The following UBA7 variants were observed in gnomAD, a reference collection of about 807,000 sequenced individuals.
UBA7 encodes ubiquitin like modifier activating enzyme 7.
UBA7 carries 88 observed loss-of-function variants against 113.0 expected under a neutral mutation model. That is an observed-to-expected ratio of 0.78 (90% CI 0.66 to 0.93). The LOEUF is 0.93. Ranked by LOEUF, UBA7 falls within the 40% of genes least tolerant of loss-of-function variation. UBA7 has a pLI of 0.00. For missense variants in UBA7, 1,092 were observed against 1,266.4 expected, an observed-to-expected ratio of 0.86 and a Z score of 2.09; for synonymous variants, 459 against 513.0, an observed-to-expected ratio of 0.89 and a Z score of 1.42.
chr3:49,811,587 C>T (rs910961470), intron 8 of UBA7, 132 bp from the exon 9 acceptor site: 16 of 1,342,142 alleles, frequency 1.2e-5, no homozygotes, highest in African/African-American at 1.5e-5. Flanking sequence ...AGGCCTGGCC[C>T]TGCTGCCAGC....
In UBA7 at chr3:49,805,354, C is replaced by G. The variant is rs750431789; in HGVS notation, c.2993G>C (p.Gly998Ala). The change falls in exon 24 of 24, where the codon GGT (glycine) becomes GCT (alanine). Residue 998 changes from glycine to alanine, a missense_variant. Physicochemically the swap from Gly to Ala is moderately conservative, Grantham distance 60. Around this residue, in one of 3 missense-constraint regions of UBA7, gnomAD observed 500 missense variants for 529.3 expected, o/e 0.94. Transcript: ENST00000333486. ...RVLVLELSCE[G>A]DDEDTAFPPL... ...TGGGAAGGCAGTGTCCTCGTCGTCA[C>G]CCTCACAGCTCAGCTCTAGCACCAA... 2 of 1,613,932 alleles carry G rather than the reference C, an allele frequency of 1.2e-6. No homozygotes were observed. Among genetic ancestry groups the G allele is most frequent in the Non-Finnish European group, 1.7e-6 (2 of 1,179,996 alleles).
Position 49,810,497 on chromosome 3 carries a change from GGA to G in UBA7, c.1467+18_1467+19del. On this transcript the variant is annotated intron_variant, in intron 12 of 23. Coordinates refer to ENST00000333486, the MANE Select transcript of UBA7 (RefSeq NM_003335.3). This position sits in a 1 kb window ranked among gnomAD's most constrained non-coding sequence, Gnocchi z 5.6. Reference sequence around the variant, plus strand: ...AGGACGGTCTGGGATGCAGGAGTGTGGAGAGGGGTCAGCACTCACACCAACGT... The same window carrying G: ...AGGACGGTCTGGGATGCAGGAGTGTGGAGGGGTCAGCACTCACACCAACGT... The G allele has an allele frequency of 6.2e-7, 1 of 1,614,072 alleles. No individual in the cohort carries two copies. The highest frequency in any genetic ancestry group is 1.3e-5 in the African/African-American group (1 of 75,006).
Position 49,813,624 on chromosome 3 carries a change from A to C in UBA7, c.80T>G (p.Met27Arg), listed in dbSNP as rs1237296210. The C allele has an allele frequency of 2.4e-5, 39 of 1,614,134 alleles. No individual in the cohort carries two copies. Among genetic ancestry groups the C allele is most frequent in the Non-Finnish European group, 2.9e-5 (34 of 1,180,064 alleles). ...RQLYVLGSPA[M>R]QRIQGARVLV... Reference sequence around the variant, plus strand: ...GACCCTGGCTCCCTGAATCCTCTGCATGGCAGGTGAGCCCAGCACATACCT... The same window carrying C: ...GACCCTGGCTCCCTGAATCCTCTGCCTGGCAGGTGAGCCCAGCACATACCT... Residue 27 changes from methionine to arginine, a missense_variant, in exon 2 of 24, where the codon ATG becomes AGG. Met to Arg is a moderately conservative substitution (Grantham distance 91, BLOSUM62 -1). This residue lies in a region of UBA7 where 584 missense variants were observed against 714.5 expected (regional missense o/e 0.82). Coordinates refer to ENST00000333486, the MANE Select transcript of UBA7 (RefSeq NM_003335.3).
At chr3:49,806,523 G>C (rs1365216966) in intron 21 of UBA7, among the ~76,000 whole-genome samples, 1 of 152,078 alleles carries the variant, frequency 6.6e-6, no homozygotes, top group East Asian at 1.9e-4. Context: ...GGAGCTGGGG[G>C]GCACATCCTG....
In UBA7 at chr3:49,813,797, T is replaced by C. The variant is rs2108302746; in HGVS notation, c.-10A>G. Reference sequence around the variant, plus strand: ...CGTCCAGGGCATCCATCCTCAAACCTGGGGCTGAACAGTAGGCTGCAGCGC... The same window carrying C: ...CGTCCAGGGCATCCATCCTCAAACCCGGGGCTGAACAGTAGGCTGCAGCGC... On this transcript the variant is annotated 5_prime_UTR_variant, in exon 1 of 24. Transcript: ENST00000333486. 2 of 1,614,118 alleles carry C rather than the reference T, an allele frequency of 1.2e-6. No individual in the cohort carries two copies. Among genetic ancestry groups the C allele is most frequent in the East Asian group, 4.5e-5 (2 of 44,882 alleles).
chr3:49,808,471 GT>G lies in UBA7; in HGVS notation c.2348-4del. On this transcript the variant is annotated splice_region_variant and splice_polypyrimidine_tract_variant and intron_variant, in intron 18 of 23. Transcript: ENST00000333486. ...CAGTTCCTTCTGCTGCTCAGGGCCT[GT>G]CAGGGGAGGGGATGTTGAGGCAGTC... is the stretch of plus-strand genomic sequence containing the variant. 1 of 1,613,990 alleles carries G rather than the reference GT, an allele frequency of 6.2e-7. No individual in the cohort carries two copies. The highest frequency in any genetic ancestry group is 8.5e-7 in the Non-Finnish European group (1 of 1,179,928).
rs181481743 is a variant in UBA7, at chr3:49,809,528, C to A, written c.2088+14G>T. The stretch of plus-strand genomic sequence containing the variant: ...CCCCCTGAGCCCCCAGCGTCCCAAC[C>A]CCTAGCCACACACTTTATTAGGTGG... On this transcript the variant is annotated intron_variant, in intron 16 of 23. Transcript: ENST00000333486. 49 of 1,614,008 alleles carry A rather than the reference C, an allele frequency of 3.0e-5. No individual in the cohort carries two copies. In the African/African-American group the frequency reaches 6.0e-4, roughly 20 times the overall value.
Position 49,809,896 on chromosome 3 carries a change from A to G in UBA7, c.1840-17T>C. ...CCGGGCCCACTGTGGAGGAGGGAGGAAGAATGAGGTATCAGGTGGAGAACA... is the reference window on the plus strand; with the variant it reads ...CCGGGCCCACTGTGGAGGAGGGAGGGAGAATGAGGTATCAGGTGGAGAACA... On this transcript the variant is annotated splice_polypyrimidine_tract_variant and intron_variant, in intron 14 of 23. Coordinates refer to ENST00000333486, the MANE Select transcript of UBA7 (RefSeq NM_003335.3). 1 of 1,614,038 alleles carries G rather than the reference A, an allele frequency of 6.2e-7. No homozygotes were observed. The highest frequency in any genetic ancestry group is 8.5e-7 in the Non-Finnish European group (1 of 1,179,994).
At position 49,807,050 on chromosome 3, in the gene UBA7, C is replaced by G. The variant is rs1193173555; in HGVS notation, c.2715+686G>C. 6.6e-6 allele frequency among the ~76,000 whole-genome samples: 1 copy of G among 152,210 alleles called. No individual in the cohort carries two copies. The highest frequency in any genetic ancestry group is 1.5e-5 in the Non-Finnish European group (1 of 68,030). On this transcript the variant is annotated intron_variant, in intron 21 of 23. Transcript: ENST00000333486. This position sits in a 1 kb window ranked among gnomAD's most constrained non-coding sequence, Gnocchi z 4.0. ...AAATGCCAACTGCAGAGCCTGGGCA[C>G]AAGGCTGGAGGCATTCACAGCGCTG...
rs371485745 is a variant in UBA7, at chr3:49,813,402, C to T, written c.226-19G>A. On this transcript the variant is annotated intron_variant, in intron 2 of 23. Transcript: ENST00000333486. ...GGAGAAACTAGGGAGAGAGCCAGTG[C>T]AGCCTGAGCAAAGACACTCCTCTTG... is the stretch of plus-strand genomic sequence containing the variant. The T allele has an allele frequency of 6.8e-6, 11 of 1,611,234 alleles. 1 individual carries two copies. The highest frequency in any genetic ancestry group is 3.3e-4 in the Middle Eastern group (2 of 6,050).
chr3:49,813,223 C>T (rs779262290), intron 3 of UBA7, 26 bp downstream of exon 3: 27 of 1,613,670 alleles, frequency 1.7e-5, no homozygotes, highest in African/African-American at 8.0e-5. Context: ...CCTTCCTGCT[C>T]TTGAGGGCTG....
In UBA7 at chr3:49,810,518, C is replaced by A; in HGVS notation, c.1466G>T (p.Gly489Val). The A allele has an allele frequency of 6.2e-7, 1 of 1,614,084 alleles. No homozygotes were observed. Among genetic ancestry groups the A allele is most frequent in the Non-Finnish European group, 8.5e-7 (1 of 1,179,998 alleles). The change falls in exon 12 of 24, where the codon GGT (glycine) becomes GTT (valine). Residue 489 changes from glycine (G) to valine (V), a missense_variant and splice_region_variant. Transcript: ENST00000333486. The surrounding 1 kb of genome is among the most constrained non-coding windows in gnomAD (Gnocchi z 5.6). ...GTGTGGAGAGGGGTCAGCACTCACA[C>A]CAACGTCCTGGGACCTGAAGAGGAA... ...RQFLFRSQDV[G>V]RPKAEVAAAA...
intron 21 of UBA7, 175 bp from the exon 22 acceptor site, chr3:49,806,340 G>C: frequency 1.6e-6 from 1 of 624,532 alleles, no homozygotes; most frequent in South Asian, 2.0e-5. Context: ...TCCCCGTCCA[G>C]GCCGGGGCCA....
At position 49,808,147 on chromosome 3, in the gene UBA7, C is replaced by T. The variant is rs764228840; in HGVS notation, c.2431-35G>A. The T allele has an allele frequency of 2.5e-6, 4 of 1,609,036 alleles. No homozygotes were observed. The East Asian group carries it at 6.7e-5, about 27-fold the overall frequency. ...CCAAGTCAAAGTAGTGTTAACACTG[C>T]AGCTGTGCCCCTCACCGTGGCCCAC... On this transcript the variant is annotated intron_variant, in intron 19 of 23. Coordinates refer to ENST00000333486, the MANE Select transcript of UBA7 (RefSeq NM_003335.3).
In UBA7 at chr3:49,810,007, A is replaced by G. The variant is rs199938849; in HGVS notation, c.1810T>C (p.Phe604Leu). 145 of 1,613,808 alleles carry G rather than the reference A, an allele frequency of 9.0e-5. 1 individual carries two copies. Among genetic ancestry groups the G allele is most frequent in the South Asian group, 7.0e-4 (64 of 91,078 alleles). The part of the protein sequence containing the change: ...APYPVCTVRY[F>L]PSTAEHTLQW... ...AGGGTGTGCTCGGCTGTGCTAGGGAAGTACCGCACGGTACAGACAGGGTAG... is the reference window on the plus strand; with the variant it reads ...AGGGTGTGCTCGGCTGTGCTAGGGAGGTACCGCACGGTACAGACAGGGTAG... The change falls in exon 14 of 24, where the codon TTC becomes CTC. Residue 604 changes from phenylalanine (F) to leucine (L), a missense_variant. By Grantham distance (22) the Phe-to-Leu change is conservative. This residue lies in a region of UBA7 where 500 missense variants were observed against 529.3 expected (regional missense o/e 0.94). Coordinates refer to ENST00000333486, the MANE Select transcript of UBA7 (RefSeq NM_003335.3). The surrounding 1 kb of genome is among the most constrained non-coding windows in gnomAD (Gnocchi z 5.6).
intron 15 of UBA7, 41 bp downstream of exon 15, chr3:49,809,774 T>C: frequency 6.2e-7 from 1 of 1,614,076 alleles, no homozygotes; most frequent in Non-Finnish European, 8.5e-7. Flanking sequence ...GACTCATGCT[T>C]GGAGCCCTGG....
In UBA7 at chr3:49,808,910, G is replaced by T. The variant is rs1010642247; in HGVS notation, c.2347+66C>A. ...GGCCCTATCTTCCTTCTGCAGCACAGGCTGAGGACAGGACAGGTTCAGGCC... is the reference window on the plus strand; with the variant it reads ...GGCCCTATCTTCCTTCTGCAGCACATGCTGAGGACAGGACAGGTTCAGGCC... On this transcript the variant is annotated intron_variant, in intron 18 of 23. Coordinates refer to ENST00000333486, the MANE Select transcript of UBA7 (RefSeq NM_003335.3). 26 of 1,552,594 alleles carry T rather than the reference G, an allele frequency of 1.7e-5. No individual in the cohort carries two copies. In the South Asian group the frequency reaches 2.1e-4, roughly 12 times the overall value.
chr3:49,810,177 T>G lies in UBA7; in HGVS notation c.1640A>C (p.Tyr547Ser). 6.2e-7 allele frequency: 1 copy of G among 1,613,220 alleles called. No homozygotes were observed. The highest frequency in any genetic ancestry group is 8.5e-7 in the Non-Finnish European group (1 of 1,179,826). Residue 547 changes from tyrosine (Y) to serine (S), a missense_variant, in exon 14 of 24, where the codon TAT (tyrosine) becomes TCT (serine). Physicochemically the swap from Tyr to Ser is moderately radical, Grantham distance 144. Coordinates refer to ENST00000333486, the MANE Select transcript of UBA7 (RefSeq NM_003335.3). The surrounding 1 kb of genome is among the most constrained non-coding windows in gnomAD (Gnocchi z 5.6). ...ATAGTGGGTGCAACGAGCAGCCACA[T>G]AGCGCCCTGGCAAGGGAGCAGTGGG... ...AALDSFQARR[Y>S]VAARCTHYLK...
At chr3:49,808,212 G>C in intron 19 of UBA7, 100 bp from the exon 20 acceptor site, 1 of 1,539,896 alleles carries the variant, frequency 6.5e-7, no homozygotes, top group Non-Finnish European at 8.9e-7. Context: ...TTCTGTCGGG[G>C]GGTTGCCCCA....
Sources: allele counts gnomAD v4.1 joint callset (sites outside exome capture counted in the v4.1 genomes callset), GRCh38; gene constraint gnomAD v4.1.1; regional missense constraint gnomAD v4.1.1; non-coding constraint Gnocchi (gnomAD v3.1); transcripts MANE v1.5; gene names NCBI Gene and HGNC (gene_info 2026-07-23, HGNC 2026-07-21).